Variants in SPOP observed in about 807,000 individuals in gnomAD.
SPOP encodes the protein speckle type BTB/POZ protein.
A neutral mutation model predicts 45.6 loss-of-function variants in SPOP; 11 were observed. The ratio of observed to expected loss-of-function variants is 0.24; its 90% CI spans 0.15 to 0.40. SPOP has a LOEUF of 0.40. SPOP is among the 10% of genes least tolerant of loss of function. The pLI, the probability that SPOP is intolerant of heterozygous loss-of-function variation, is 1.00. For missense variants in SPOP, 152 were observed against 465.6 expected (o/e 0.33, Z 6.20); for synonymous variants, 166 against 166.3 (o/e 1.00, Z 0.01).
intron 1 of SPOP, among the ~76,000 whole-genome samples, chr17:49,656,190 T>G (rs539233450): frequency 5.9e-5 from 9 of 152,248 alleles, no homozygotes; most frequent in African/African-American, 2.2e-4. Flanking sequence ...TCTTTGATAT[T>G]ACAAAAGAAT....
chr17:49,649,603 C>A (rs892924417), intron 1 of SPOP, among the ~76,000 whole-genome samples: 1 of 151,634 alleles, frequency 6.6e-6, no homozygotes, highest in Admixed American at 6.6e-5. Context: ...GAGGCCGAGG[C>A]GGGCAGATCA....
chr17:49,603,120 T>C (rs568782956), intron 8 of SPOP, among the ~76,000 whole-genome samples: 23 of 152,318 alleles, frequency 1.5e-4, no homozygotes, highest in African/African-American at 5.5e-4. Context: ...GACAATTTAA[T>C]TGTTATGAAT....
At chr17:49,647,115 C>A (rs79113617) in intron 1 of SPOP, among the ~76,000 whole-genome samples, 2,406 of 151,680 alleles carry the variant, frequency 0.016, 119 homozygotes, top group East Asian at 0.15. Flanking sequence ...CATGGTAGAA[C>A]CCTGTCTCTA....
In SPOP at chr17:49,618,093, G is replaced by A. The variant is rs572100402; in HGVS notation, c.480+888C>T. On this transcript the variant is annotated intron_variant, in intron 5 of 9. Coordinates refer to ENST00000504102, the MANE Select transcript of SPOP (RefSeq NM_001007228.2). Reference sequence around the variant, plus strand: ...CACAGTGTGAGCCTATTATTTGACCGAGCGAGTTGGCAATTGGGGAACAAC... The same window carrying A: ...CACAGTGTGAGCCTATTATTTGACCAAGCGAGTTGGCAATTGGGGAACAAC... 1.8e-4 allele frequency among the ~76,000 whole-genome samples: 28 copies of A among 152,126 alleles called. No individual in the cohort carries two copies. In the East Asian group the frequency reaches 2.5e-3, roughly 14 times the overall value.
intron 6 of SPOP, among the ~76,000 whole-genome samples, chr17:49,610,191 A>G (rs1262249365): frequency 6.6e-6 from 1 of 152,150 alleles, no homozygotes; most frequent in Non-Finnish European, 1.5e-5. Context: ...TGGAGACACT[A>G]ACCAAAGAGT....
rs181487954 is a variant in SPOP, at chr17:49,608,325, C to T, written c.659-396G>A. Among the ~76,000 whole-genome samples the T allele has an allele frequency of 1.6e-4, 25 of 152,278 alleles. 1 individual carries two copies. In the South Asian group the frequency reaches 4.8e-3, roughly 29 times the overall value. Reference sequence around the variant, plus strand: ...GTTGGAACTGACACCATACTTTCTGCACCTCCAGGGACTGCACAGGAAGAA... The same window carrying T: ...GTTGGAACTGACACCATACTTTCTGTACCTCCAGGGACTGCACAGGAAGAA... On this transcript the variant is annotated intron_variant, in intron 6 of 9. Transcript: ENST00000504102.
At chr17:49,610,524 TTGAG>T (rs1332236037) in intron 6 of SPOP, among the ~76,000 whole-genome samples, 2 of 152,198 alleles carry the variant, frequency 1.3e-5, no homozygotes, top group African/African-American at 2.4e-5. Flanking sequence ...CGTGACTTCC[TTGAG>T]TATTACACAG....
chr17:49,628,666 C>G (rs924456228), intron 1 of SPOP, among the ~76,000 whole-genome samples: 1 of 152,102 alleles, frequency 6.6e-6, no homozygotes, highest in South Asian at 2.1e-4. Context: ...ACAGTAAGTA[C>G]GTAACAAAAC....
intron 1 of SPOP, among the ~76,000 whole-genome samples, chr17:49,666,484 C>T (rs1164899231): frequency 1.3e-5 from 2 of 151,452 alleles, no homozygotes; most frequent in African/African-American, 4.9e-5. Flanking sequence ...CACACACACA[C>T]ACACACACAC....
At position 49,607,106 on chromosome 17, in the gene SPOP, GAAT is replaced by G. The variant is rs369478934; in HGVS notation, c.837+141_837+143del. On this transcript the variant is annotated intron_variant, in intron 8 of 9. Coordinates refer to ENST00000504102, the MANE Select transcript of SPOP (RefSeq NM_001007228.2). Reference sequence around the variant, plus strand: ...AAGTGTGCTATTAATAATTGTGTTGGAATAATATGTGTAAACCAGGACCGTCTT... The same window carrying G: ...AAGTGTGCTATTAATAATTGTGTTGGAATATGTGTAAACCAGGACCGTCTT... 7.3e-5 allele frequency: 68 copies of G among 931,524 alleles called. No individual in the cohort carries two copies. In the African/African-American group the frequency reaches 9.7e-4, roughly 13 times the overall value. The allele number at this position is 931,524 out of a possible 1,614,324, so 57.7% of individuals were successfully genotyped here. A position where few individuals can be genotyped will look rare whatever the true frequency, so the allele number is the denominator to read the frequency against.
intron 7 of SPOP, among the ~76,000 whole-genome samples, chr17:49,607,578 C>A (rs1039100829): frequency 4.5e-4 from 69 of 152,228 alleles, no homozygotes; most frequent in South Asian, 4.1e-4. Context: ...AACATAACAG[C>A]AAAACAACTC....
At chr17:49,601,707 T>C (rs2071743445) in intron 9 of SPOP, 158 bp downstream of exon 9, 2 of 887,954 alleles carry the variant, frequency 2.3e-6, no homozygotes, top group Non-Finnish European at 3.4e-6. Flanking sequence ...ATGAAGTCAA[T>C]TCCATACGGT....
At chr17:49,625,420 C>T (rs1369543480) in intron 1 of SPOP, among the ~76,000 whole-genome samples, 2 of 152,094 alleles carry the variant, frequency 1.3e-5, no homozygotes, top group African/African-American at 2.4e-5. Context: ...ACCAGCCTGA[C>T]CAACATGGAG....
chr17:49,647,688 C>A (rs2072783315), intron 1 of SPOP, among the ~76,000 whole-genome samples: 1 of 152,060 alleles, frequency 6.6e-6, no homozygotes, highest in Non-Finnish European at 1.5e-5. Flanking sequence ...ACAGTGTTGG[C>A]CAGGCTGGTC....
chr17:49,622,142 C>A, intron 2 of SPOP, 75 bp from the exon 3 acceptor site: 1 of 1,544,504 alleles, frequency 6.5e-7, no homozygotes. Flanking sequence ...GGCAGATTAT[C>A]ATTTCCCCTC....
intron 5 of SPOP, among the ~76,000 whole-genome samples, chr17:49,616,352 A>G (rs777393408): frequency 6.6e-6 from 1 of 152,240 alleles, no homozygotes; most frequent in Non-Finnish European, 1.5e-5. Flanking sequence ...GAAGTGCCTC[A>G]GTCAAAGGCT....
chr17:49,657,114 G>A (rs1036001919), intron 1 of SPOP, among the ~76,000 whole-genome samples: 2 of 151,914 alleles, frequency 1.3e-5, no homozygotes, highest in African/African-American at 2.4e-5. Context: ...GAACCTGGGA[G>A]GCGGAGCTTG....
intron 1 of SPOP, among the ~76,000 whole-genome samples, chr17:49,675,203 T>C (rs1027639958): frequency 6.6e-6 from 1 of 152,204 alleles, no homozygotes; most frequent in Non-Finnish European, 1.5e-5. Flanking sequence ...AAGGAATTAA[T>C]TGTATCACTG....
chr17:49,641,977 G>C (rs376267927), intron 1 of SPOP, among the ~76,000 whole-genome samples: 14 of 152,028 alleles, frequency 9.2e-5, no homozygotes, highest in African/African-American at 3.1e-4. Flanking sequence ...AGTGAGCCAA[G>C]ATGACGCCAC....
Sources: allele counts gnomAD v4.1 joint callset (sites outside exome capture counted in the v4.1 genomes callset), GRCh38; gene constraint gnomAD v4.1.1; transcripts MANE v1.5; gene names NCBI Gene and HGNC (gene_info 2026-07-23, HGNC 2026-07-21).